WASF2: variants seen among roughly 807,000 people sequenced by gnomAD.
The protein encoded by WASF2 is WASP family member 2.
In WASF2, 14 loss-of-function variants were observed where a neutral mutation model predicts 45.0. The ratio of observed to expected loss-of-function variants is 0.31; its 90% CI spans 0.21 to 0.49. The LOEUF is 0.49. WASF2 is among the 20% of genes least tolerant of loss of function. The pLI, the probability that WASF2 is intolerant of heterozygous loss-of-function variation, is 0.99. For missense variants in WASF2, 439 were observed against 636.1 expected, an observed-to-expected ratio of 0.69 and a Z score of 3.33; for synonymous variants, 200 against 236.3, an observed-to-expected ratio of 0.85 and a Z score of 1.41.
intron 1 of WASF2, among the ~76,000 whole-genome samples, chr1:27,458,299 C>T (rs1003986138): frequency 9.9e-5 from 9 of 90,740 alleles, no homozygotes; most frequent in Admixed American, 1.9e-4. Context: ...GGTGACAGAG[C>T]GAGATTCTTA....
intron 1 of WASF2, among the ~76,000 whole-genome samples, chr1:27,448,716 C>A (rs2017342131): frequency 6.6e-6 from 1 of 151,768 alleles, no homozygotes; most frequent in Non-Finnish European, 1.5e-5. Flanking sequence ...GTGATGCATA[C>A]CCATAGTCCC....
chr1:27,447,219 C>T (rs2017322929), intron 1 of WASF2, among the ~76,000 whole-genome samples: 2 of 152,068 alleles, frequency 1.3e-5, no homozygotes, highest in African/African-American at 4.8e-5. Context: ...AGAACTTTTT[C>T]CAAAATTCAG....
At chr1:27,456,993 C>T (rs904423899) in intron 1 of WASF2, among the ~76,000 whole-genome samples, 3 of 151,934 alleles carry the variant, frequency 2.0e-5, no homozygotes, top group South Asian at 2.1e-4. Flanking sequence ...CTGCCCGTCT[C>T]GGCCCCCCAA....
In WASF2 at chr1:27,407,155, C is replaced by T. The variant is rs1432033140; in HGVS notation, c.*1034G>A. 1 of 152,666 alleles carries T rather than the reference C, an allele frequency of 6.6e-6. No individual in the cohort carries two copies. Among genetic ancestry groups the T allele is most frequent in the East Asian group, 1.9e-4 (1 of 5,180 alleles). 9.5% of individuals were successfully genotyped at this position (152,666 alleles called of 1,614,324 possible). On this transcript the variant is annotated 3_prime_UTR_variant, in exon 9 of 9. Coordinates refer to ENST00000618852, the MANE Select transcript of WASF2 (RefSeq NM_006990.5). ...TATGGTGAGGTCTGGAGTAGCAATACAACTGAGAAAGCTCTGCCCGGACTC... is the reference window on the plus strand; with the variant it reads ...TATGGTGAGGTCTGGAGTAGCAATATAACTGAGAAAGCTCTGCCCGGACTC...
intron 1 of WASF2, among the ~76,000 whole-genome samples, chr1:27,466,591 G>A (rs373699096): frequency 2.0e-5 from 3 of 152,336 alleles, no homozygotes; most frequent in East Asian, 3.9e-4. Flanking sequence ...GGATGCTGCT[G>A]GGCGCAGTGG....
At chr1:27,411,599 C>G (rs1211933165) in intron 7 of WASF2, among the ~76,000 whole-genome samples, 1 of 152,214 alleles carries the variant, frequency 6.6e-6, no homozygotes, top group Admixed American at 6.5e-5. Context: ...CATGGTGGCT[C>G]ATGCCTGTAA....
chr1:27,421,564 C>G (rs2016909022), intron 2 of WASF2, among the ~76,000 whole-genome samples: 1 of 152,090 alleles, frequency 6.6e-6, no homozygotes, highest in African/African-American at 2.4e-5. Flanking sequence ...GACTATAATC[C>G]CAGCACTTTG....
chr1:27,428,658 GA>G, intron 2 of WASF2, 102 bp downstream of exon 2: 2 of 1,577,900 alleles, frequency 1.3e-6, no homozygotes, highest in Non-Finnish European at 1.7e-6. Context: ...ATTACCTAGG[GA>G]AGGCAGATGG....
Position 27,490,104 on chromosome 1 carries a change from C to T in WASF2, c.-162G>A, listed in dbSNP as rs545394277. 2 of 152,386 alleles carry T rather than the reference C, an allele frequency of 1.3e-5. No homozygotes were observed. Among genetic ancestry groups the T allele is most frequent in the African/African-American group, 4.8e-5 (2 of 41,472 alleles). 9.4% of individuals were successfully genotyped at this position (152,386 alleles called of 1,614,324 possible). On this transcript the variant is annotated 5_prime_UTR_variant, in exon 1 of 9. Transcript: ENST00000618852. ...GCCAAACGGCCGGACCCCCTCAGCG[C>T]GCTACGCCCCCAGCCGCGCTCGCCC...
At chr1:27,470,235 T>C (rs2017671058) in intron 1 of WASF2, among the ~76,000 whole-genome samples, 2 of 152,222 alleles carry the variant, frequency 1.3e-5, no homozygotes, top group South Asian at 2.1e-4. Context: ...ATCTTAAATA[T>C]CAGGCTGAGT....
chr1:27,454,626 C>T (rs1194555233), intron 1 of WASF2, among the ~76,000 whole-genome samples: 1 of 152,186 alleles, frequency 6.6e-6, no homozygotes, highest in African/African-American at 2.4e-5. Flanking sequence ...GCATGAACTA[C>T]TGCGCCCAGC....
At chr1:27,486,181 C>G (rs927122700) in intron 1 of WASF2, among the ~76,000 whole-genome samples, 1 of 152,190 alleles carries the variant, frequency 6.6e-6, no homozygotes, top group African/African-American at 2.4e-5. Context: ...AACATCCAGA[C>G]ATTTTACTAC....
chr1:27,442,990 CAAAAAAAAAA>C (rs782114128), intron 1 of WASF2, among the ~76,000 whole-genome samples: 1 of 64,242 alleles, frequency 1.6e-5, no homozygotes, highest in Non-Finnish European at 3.1e-5. Flanking sequence ...GACTCTGTCT[CAAAAAAAAAA>C]AAAAAAAAAA....
chr1:27,447,902 C>T (rs148770528), intron 1 of WASF2, among the ~76,000 whole-genome samples: 1 of 152,214 alleles, frequency 6.6e-6, no homozygotes, highest in African/African-American at 2.4e-5. Context: ...TCTTTAAATG[C>T]CTACTGACCT....
In WASF2 at chr1:27,414,344, T is replaced by G. The variant is rs548457117; in HGVS notation, c.668+489A>C. ...CCTTTCCCACACTGTCTATGAGGTC[T>G]GCATTCAGTCCCTTGGCTAGCTTCT... On this transcript the variant is annotated intron_variant, in intron 6 of 8. Coordinates refer to ENST00000618852, the MANE Select transcript of WASF2 (RefSeq NM_006990.5). The surrounding 1 kb of genome is among the most constrained non-coding windows in gnomAD (Gnocchi z 4.1). Among the ~76,000 whole-genome samples, 14 of 152,356 alleles carry G rather than the reference T, an allele frequency of 9.2e-5. No individual in the cohort carries two copies. The highest frequency in any genetic ancestry group is 2.9e-4 in the African/African-American group (12 of 41,592).
chr1:27,484,235 A>AC (rs759883073), intron 1 of WASF2, among the ~76,000 whole-genome samples: 2 of 152,070 alleles, frequency 1.3e-5, no homozygotes, highest in East Asian at 1.9e-4. Flanking sequence ...ATACCAGTCC[A>AC]CCTCACTCTA....
chr1:27,482,122 C>T (rs2148145632), intron 1 of WASF2, among the ~76,000 whole-genome samples: 1 of 152,310 alleles, frequency 6.6e-6, no homozygotes, highest in Non-Finnish European at 1.5e-5. Context: ...CCATTCATAA[C>T]TTCAAACAGA....
intron 1 of WASF2, among the ~76,000 whole-genome samples, chr1:27,435,518 G>T (rs929121371): frequency 1.3e-4 from 20 of 151,484 alleles, no homozygotes; most frequent in Non-Finnish European, 2.9e-5. Flanking sequence ...AATCCAGAAG[G>T]TTGAGGCTGC....
At chr1:27,456,757 C>CA (rs2017473186) in intron 1 of WASF2, among the ~76,000 whole-genome samples, 1 of 133,950 alleles carries the variant, frequency 7.5e-6, no homozygotes, top group Non-Finnish European at 1.6e-5. Flanking sequence ...TTTTTGGAGA[C>CA]AGAGTCTCAT....
Sources: gnomAD v4.1 joint callset for allele counts (sites outside exome capture counted in the v4.1 genomes callset) on GRCh38, gnomAD v4.1.1 for gene constraint, Gnocchi (gnomAD v3.1) non-coding constraint, MANE v1.5 for transcripts, NCBI Gene and HGNC (gene_info 2026-07-23, HGNC 2026-07-21) for gene names.